CCSER1: variants seen among roughly 807,000 people sequenced by gnomAD.
The protein encoded by CCSER1 is serine-rich coiled-coil domain-containing protein 1.
CCSER1 carries 41 observed loss-of-function variants against 82.0 expected under a neutral mutation model. The ratio of observed to expected loss-of-function variants is 0.50; its 90% confidence interval spans 0.39 to 0.65. The LOEUF is 0.65. Among genes scored for constraint, CCSER1 ranks in the 30% least tolerant of loss-of-function variants. The pLI is 0.00. For synonymous variants in CCSER1, 414 were observed against 383.9 expected (o/e 1.08, Z -0.92); for missense variants, 1,119 against 1,064.2 (o/e 1.05, Z -0.72).
rs569974366 is a variant in CCSER1 at position 90,745,379 on chromosome 4, A to G, written c.2010+21388A>G. On this transcript the variant is annotated intron_variant, in intron 7 of 10. Transcript: ENST00000509176. ...CACCCAGATAGTCCAGGAAAATTCT[A>G]TTACAAGGTTGGCTGATTAGTCACC... 1.2e-4 allele frequency among the ~76,000 whole-genome samples: 19 copies of G among 152,344 alleles called. No homozygotes were observed. In the South Asian group the frequency reaches 3.1e-3, roughly 25 times the overall value.
At chr4:90,402,683 T>C (rs959098897) in intron 4 of CCSER1, among the ~76,000 whole-genome samples, 1 of 152,218 alleles carries the variant, frequency 6.6e-6, no homozygotes, top group Admixed American at 6.5e-5. Flanking sequence ...GTCTCAATTA[T>C]GTTTGGTAGT....
chr4:90,627,756 G>A (rs747559545), intron 5 of CCSER1, among the ~76,000 whole-genome samples: 25 of 152,078 alleles, frequency 1.6e-4, no homozygotes, highest in Admixed American at 3.3e-4. Context: ...CAAGGCAGGC[G>A]GATCACGAGG....
intron 4 of CCSER1, among the ~76,000 whole-genome samples, chr4:90,429,617 G>A (rs1336526779): frequency 6.6e-6 from 1 of 151,770 alleles, no homozygotes; most frequent in Non-Finnish European, 1.5e-5. Flanking sequence ...GTTACAAACT[G>A]AACTTGGTGA....
intron 1 of CCSER1, among the ~76,000 whole-genome samples, chr4:90,293,000 T>G (rs75315395): frequency 0.017 from 2,611 of 152,036 alleles, 99 homozygotes; most frequent in African/African-American, 0.06. Context: ...ATAAGATAGT[T>G]TTTTCATTTT....
At chr4:90,601,415 C>T (rs1384550763) in intron 5 of CCSER1, among the ~76,000 whole-genome samples, 3 of 152,010 alleles carry the variant, frequency 2.0e-5, no homozygotes, top group African/African-American at 7.2e-5. Context: ...AAGGCAAGTA[C>T]ATTTTCTTCA....
chr4:91,130,188 G>A (rs1727878046), intron 10 of CCSER1: 1 of 151,828 alleles, frequency 6.6e-6, no homozygotes, highest in East Asian at 1.9e-4. Flanking sequence ...CAGACCCTAT[G>A]TCAGCAGATT....
At chr4:91,110,242 A>G (rs1227111850) in intron 10 of CCSER1, among the ~76,000 whole-genome samples, 1 of 152,064 alleles carries the variant, frequency 6.6e-6, no homozygotes, top group African/African-American at 2.4e-5. Flanking sequence ...TCAGTGAGCA[A>G]TGTGATGTTG....
At chr4:91,408,610 T>A (rs965267709) in intron 10 of CCSER1, among the ~76,000 whole-genome samples, 1 of 152,222 alleles carries the variant, frequency 6.6e-6, no homozygotes, top group Non-Finnish European at 1.5e-5. Context: ...ATATAGGTGT[T>A]CATAGTCATC....
chr4:91,153,783 C>T (rs926512354), intron 10 of CCSER1, among the ~76,000 whole-genome samples: 1 of 151,922 alleles, frequency 6.6e-6, no homozygotes, highest in African/African-American at 2.4e-5. Flanking sequence ...CACTCCAGAC[C>T]CTGTTTGCCT....
At chr4:91,009,718 A>C (rs187560785) in intron 9 of CCSER1, among the ~76,000 whole-genome samples, 3 of 152,092 alleles carry the variant, frequency 2.0e-5, no homozygotes, top group Non-Finnish European at 4.4e-5. Flanking sequence ...AAAATATTCT[A>C]TTGTTTTAAC....
At chr4:90,292,128 A>G (rs532467205) in intron 1 of CCSER1, among the ~76,000 whole-genome samples, 2 of 151,994 alleles carry the variant, frequency 1.3e-5, no homozygotes, top group South Asian at 4.1e-4. Context: ...TACCAGACAT[A>G]CTTTGACTGT....
intron 10 of CCSER1, among the ~76,000 whole-genome samples, chr4:91,247,381 C>T (rs867327570): frequency 6.6e-6 from 1 of 151,580 alleles, no homozygotes; most frequent in African/African-American, 2.4e-5. Context: ...AAATGATAGG[C>T]CAGGGATGAT....
At chr4:90,960,905 C>T (rs990798378) in intron 9 of CCSER1, among the ~76,000 whole-genome samples, 1 of 152,092 alleles carries the variant, frequency 6.6e-6, no homozygotes, top group Non-Finnish European at 1.5e-5. Context: ...CTATTTTTAT[C>T]CCCATTTAAT....
At chr4:91,521,566 A>G (rs960326237) in intron 10 of CCSER1, among the ~76,000 whole-genome samples, 1 of 152,078 alleles carries the variant, frequency 6.6e-6, no homozygotes, top group Non-Finnish European at 1.5e-5. Flanking sequence ...TTTAATGATC[A>G]CCATGCTAAC....
intron 5 of CCSER1, among the ~76,000 whole-genome samples, chr4:90,627,614 T>C (rs1005591875): frequency 6.6e-6 from 1 of 152,158 alleles, no homozygotes; most frequent in Non-Finnish European, 1.5e-5. Flanking sequence ...GTAATTTTCA[T>C]TGAATCTTAC....
At chr4:90,582,802 G>A (rs188403839) in intron 5 of CCSER1, among the ~76,000 whole-genome samples, 1 of 152,186 alleles carries the variant, frequency 6.6e-6, no homozygotes, top group East Asian at 1.9e-4. Flanking sequence ...TTAAAACATC[G>A]AGAGTGAAGT....
chr4:90,374,843 A>G (rs1300125677), intron 3 of CCSER1, among the ~76,000 whole-genome samples: 1 of 152,128 alleles, frequency 6.6e-6, no homozygotes, highest in African/African-American at 2.4e-5. Context: ...GCAGTCTGAT[A>G]TTAGTGCTTC....
intron 10 of CCSER1, among the ~76,000 whole-genome samples, chr4:91,396,236 C>A (rs1044279569): frequency 2.6e-5 from 4 of 151,994 alleles, no homozygotes; most frequent in African/African-American, 9.7e-5. Context: ...ATTATGCAAG[C>A]AAATGTGGTT....
chr4:90,820,944 A>G (rs1759651520), intron 8 of CCSER1, among the ~76,000 whole-genome samples: 1 of 152,082 alleles, frequency 6.6e-6, no homozygotes, highest in South Asian at 2.1e-4. Flanking sequence ...TAACAAATAT[A>G]TTACTTGTAT....
Sources: allele counts gnomAD v4.1 joint callset (sites outside exome capture counted in the v4.1 genomes callset), GRCh38; gene constraint gnomAD v4.1.1; transcripts MANE v1.5; gene names NCBI Gene and HGNC (gene_info 2026-07-23, HGNC 2026-07-21).